The following PITPNC1 variants were observed in gnomAD, a reference collection of about 807,000 sequenced individuals.
The protein encoded by PITPNC1 is phosphatidylinositol transfer protein cytoplasmic 1.
A neutral mutation model predicts 44.7 loss-of-function variants in PITPNC1; 18 were observed. That is an observed-to-expected ratio of 0.40 (90% CI 0.28 to 0.60). PITPNC1 has a LOEUF of 0.60. Ranked by LOEUF, PITPNC1 falls within the 20% of genes least tolerant of loss-of-function variation. PITPNC1 has a pLI of 0.39. For synonymous variants in PITPNC1, 141 were observed against 149.6 expected (o/e 0.94, Z 0.42); for missense variants, 290 against 418.4 (o/e 0.69, Z 2.68).
chr17:67,400,258 A>G (rs1161239405), intron 1 of PITPNC1, among the ~76,000 whole-genome samples: 1 of 152,220 alleles, frequency 6.6e-6, no homozygotes, highest in Admixed American at 6.5e-5. Flanking sequence ...TAAAGGCTTA[A>G]GGATTAGTTT....
rs540949062 is a variant in PITPNC1, at chr17:67,679,640, G to A, written c.682+4098G>A. Among the ~76,000 whole-genome samples the A allele has an allele frequency of 1.7e-4, 26 of 152,326 alleles. No homozygotes were observed. In the South Asian group the frequency reaches 3.3e-3, roughly 19 times the overall value. On this transcript the variant is annotated intron_variant, in intron 8 of 8. Coordinates refer to ENST00000581322, the MANE Select transcript of PITPNC1 (RefSeq NM_012417.4). Reference sequence around the variant, plus strand: ...CTGAGTTTCAGCATTTGGCTGTCACGAAACTGTTTCCCTAAAGAGATTTTA... The same window carrying A: ...CTGAGTTTCAGCATTTGGCTGTCACAAAACTGTTTCCCTAAAGAGATTTTA...
At chr17:67,575,807 TTTCTTTCTTTCTTTCCTTCCTTCC>T (rs1568047723) in intron 4 of PITPNC1, among the ~76,000 whole-genome samples, 2,342 of 119,892 alleles carry the variant, frequency 0.02, 64 homozygotes, top group Non-Finnish European at 0.027. Context: ...TCTTTCTTTC[TTTCTTTCTTTCTTTCCTTCCTTCC>T]TTCCTTCCTT....
At chr17:67,532,714 T>C (rs1326890265) in intron 1 of PITPNC1, 88 bp from the exon 2 acceptor site, 3 of 1,056,044 alleles carry the variant, frequency 2.8e-6, no homozygotes. Flanking sequence ...GTGCTGATGT[T>C]ATTAGTGGCT....
At chr17:67,472,125 C>A (rs758613095) in intron 1 of PITPNC1, among the ~76,000 whole-genome samples, 8 of 151,830 alleles carry the variant, frequency 5.3e-5, no homozygotes, top group Non-Finnish European at 7.4e-5. Flanking sequence ...CACATGATAT[C>A]TACCTGATTG....
At position 67,593,888 on chromosome 17, in the gene PITPNC1, T is replaced by C. The variant is rs559869234; in HGVS notation, c.366+15631T>C. On this transcript the variant is annotated intron_variant, in intron 5 of 8. Coordinates refer to ENST00000581322, the MANE Select transcript of PITPNC1 (RefSeq NM_012417.4). ...CCTCATAATTACTGTGGGAATACAG[T>C]GTACGTCACTTAAAAAAAATAAGGC... 3.9e-5 allele frequency among the ~76,000 whole-genome samples: 6 copies of C among 152,264 alleles called. No individual in the cohort carries two copies. In the South Asian group the frequency reaches 1.2e-3, roughly 32 times the overall value.
chr17:67,694,172 C>T lies in PITPNC1; in HGVS notation c.*1284C>T, dbSNP rs2042973704. 2 of 152,206 alleles carry T rather than the reference C, an allele frequency of 1.3e-5. No individual in the cohort carries two copies. The highest frequency in any genetic ancestry group is 4.1e-4 in the South Asian group (2 of 4,834). The allele number at this position is 152,206 out of a possible 1,614,324, so 9.4% of individuals were successfully genotyped here. A position where few individuals can be genotyped will look rare whatever the true frequency, so the allele number is the denominator to read the frequency against. ...GTCACTCACTGAAGTGACAGAAAGACAATTCTCCTTTGCTCCAAAGAGAGA... is the reference window on the plus strand; with the variant it reads ...GTCACTCACTGAAGTGACAGAAAGATAATTCTCCTTTGCTCCAAAGAGAGA... On this transcript the variant is annotated 3_prime_UTR_variant, in exon 9 of 9. Coordinates refer to ENST00000581322, the MANE Select transcript of PITPNC1 (RefSeq NM_012417.4).
At chr17:67,560,294 T>G (rs73334062) in intron 4 of PITPNC1, among the ~76,000 whole-genome samples, 2,243 of 152,338 alleles carry the variant, frequency 0.015, 52 homozygotes, top group African/African-American at 0.051. Context: ...GTGGATCAAT[T>G]CTATTTCAGT....
At chr17:67,684,886 T>A (rs1481026850) in intron 8 of PITPNC1, among the ~76,000 whole-genome samples, 1 of 152,234 alleles carries the variant, frequency 6.6e-6, no homozygotes, top group Admixed American at 6.5e-5. Flanking sequence ...TAAGCCCCTA[T>A]CTTGACGTTG....
chr17:67,665,727 C>T (rs967488924), intron 6 of PITPNC1, among the ~76,000 whole-genome samples: 1 of 152,182 alleles, frequency 6.6e-6, no homozygotes, highest in African/African-American at 2.4e-5. Flanking sequence ...ATGTATTCAA[C>T]ATCTGTGATG....
At chr17:67,662,425 AAC>A (rs2042362568) in intron 6 of PITPNC1, among the ~76,000 whole-genome samples, 1 of 152,076 alleles carries the variant, frequency 6.6e-6, no homozygotes, top group African/African-American at 2.4e-5. Context: ...CTGCACTCTA[AAC>A]AGAGTGAAAC....
chr17:67,673,762 A>G (rs2042551375), intron 7 of PITPNC1, among the ~76,000 whole-genome samples: 1 of 152,014 alleles, frequency 6.6e-6, no homozygotes, highest in South Asian at 2.1e-4. Context: ...CAGCCTGACC[A>G]ACATGGTGAA....
intron 1 of PITPNC1, among the ~76,000 whole-genome samples, chr17:67,445,764 G>A (rs775647092): frequency 1.3e-5 from 2 of 151,982 alleles, no homozygotes; most frequent in African/African-American, 2.4e-5. Flanking sequence ...TTATTCATGG[G>A]AGTGGATTTC....
intron 1 of PITPNC1, among the ~76,000 whole-genome samples, chr17:67,430,461 C>T (rs2038839499): frequency 6.7e-6 from 1 of 149,838 alleles, no homozygotes; most frequent in Admixed American, 6.7e-5. Flanking sequence ...GCACTCGAGC[C>T]TCTGTGACAG....
rs115509641 is a variant in PITPNC1, at chr17:67,644,407, G to A, written c.462+12169G>A. 6.0e-3 allele frequency among the ~76,000 whole-genome samples: 901 copies of A among 150,700 alleles called. 8 individuals are homozygous for A. Among genetic ancestry groups the A allele is most frequent in the African/African-American group, 0.021 (861 of 40,920 alleles). On this transcript the variant is annotated intron_variant, in intron 6 of 8. Transcript: ENST00000581322. Reference sequence around the variant, plus strand: ...AAGCTCTTCTTCAGTTCCATCTCATGGAGAACTTCCCTCTGTAATTTTTTT... The same window carrying A: ...AAGCTCTTCTTCAGTTCCATCTCATAGAGAACTTCCCTCTGTAATTTTTTT...
At chr17:67,499,174 G>A (rs973138567) in intron 1 of PITPNC1, among the ~76,000 whole-genome samples, 5 of 151,430 alleles carry the variant, frequency 3.3e-5, no homozygotes, top group African/African-American at 7.3e-5. Flanking sequence ...TGCCCAGCCC[G>A]TATATCTTCT....
chr17:67,682,761 A>G (rs901392487), intron 8 of PITPNC1, among the ~76,000 whole-genome samples: 1 of 152,222 alleles, frequency 6.6e-6, no homozygotes, highest in Admixed American at 6.5e-5. Flanking sequence ...GTCTTTATGT[A>G]GGAAACCTTA....
intron 1 of PITPNC1, among the ~76,000 whole-genome samples, chr17:67,467,540 G>A (rs1299642788): frequency 6.6e-6 from 1 of 152,000 alleles, no homozygotes; most frequent in East Asian, 1.9e-4. Flanking sequence ...AGTGGCTCTC[G>A]CAAAATTCTG....
chr17:67,679,910 G>C (rs1199902039), intron 8 of PITPNC1, among the ~76,000 whole-genome samples: 1 of 152,182 alleles, frequency 6.6e-6, no homozygotes, highest in Non-Finnish European at 1.5e-5. Flanking sequence ...TTTTGAGAAA[G>C]GAACACAGAA....
intron 1 of PITPNC1, among the ~76,000 whole-genome samples, chr17:67,486,223 T>C (rs1417360011): frequency 6.6e-6 from 1 of 152,152 alleles, no homozygotes; most frequent in East Asian, 1.9e-4. Context: ...GTTTTGGCAG[T>C]GTTTTGAAAT....
Sources: gnomAD v4.1 joint callset for allele counts (sites outside exome capture counted in the v4.1 genomes callset) on GRCh38, gnomAD v4.1.1 for gene constraint, MANE v1.5 for transcripts, NCBI Gene and HGNC (gene_info 2026-07-23, HGNC 2026-07-21) for gene names.